PALS2: variants seen among roughly 807,000 people sequenced by gnomAD.
PALS2 encodes the protein protein associated with LIN7 2, MAGUK p55 family member.
A neutral mutation model predicts 61.6 loss-of-function variants in PALS2; 27 were observed. The ratio of observed to expected loss-of-function variants is 0.44; its 90% confidence interval spans 0.32 to 0.60. The LOEUF (loss-of-function observed/expected upper bound fraction) is 0.60, where lower values mean the gene tolerates loss of function less well. Ranked by LOEUF, PALS2 falls within the 20% of genes least tolerant of loss-of-function variation. The pLI is 0.05. For synonymous variants in PALS2, 236 were observed against 218.6 expected (o/e 1.08, Z -0.70); for missense variants, 554 against 639.4 (o/e 0.87, Z 1.44).
rs1440144909 is a variant in PALS2 at position 24,607,834 on chromosome 7, GC to G, written c.-2-15831del. Among the ~76,000 whole-genome samples, 3 of 151,826 alleles carry G rather than the reference GC, an allele frequency of 2.0e-5. No homozygotes were observed. The East Asian group carries it at 5.8e-4, about 29-fold the overall frequency. ...GTACTAGGTATCTCTAAAAGAATGA[GC>G]TTCAATATGGAAAAATCACTAAGAT... On this transcript the variant is annotated intron_variant, in intron 1 of 11. Transcript: ENST00000222644.
At chr7:24,574,171 C>T (rs1318385045) in intron 1 of PALS2, 2 of 152,428 alleles carry the variant, frequency 1.3e-5, no homozygotes, top group East Asian at 1.9e-4. Context: ...CAACTACCGC[C>T]GCTACTTCCG....
intron 1 of PALS2, among the ~76,000 whole-genome samples, chr7:24,621,482 G>A (rs1238175218): frequency 6.6e-6 from 1 of 152,056 alleles, no homozygotes; most frequent in African/African-American, 2.4e-5. Context: ...AAAATTGAGA[G>A]TCTGAAGATA....
At chr7:24,679,032 G>T (rs551867204) in intron 9 of PALS2, 99 bp from the exon 10 acceptor site, 505 of 987,164 alleles carry the variant, frequency 5.1e-4, no homozygotes, top group Non-Finnish European at 7.4e-4. Flanking sequence ...ACAGTTTGCT[G>T]CACCCAGTGG....
intron 5 of PALS2, among the ~76,000 whole-genome samples, chr7:24,660,665 T>C (rs1786670437): frequency 6.6e-6 from 1 of 152,230 alleles, no homozygotes; most frequent in Non-Finnish European, 1.5e-5. Context: ...TCTTTTGTTA[T>C]TAGGAATGAT....
At chr7:24,623,112 G>T (rs1473892368) in intron 1 of PALS2, among the ~76,000 whole-genome samples, 3 of 151,022 alleles carry the variant, frequency 2.0e-5, no homozygotes, top group Non-Finnish European at 4.4e-5. Flanking sequence ...AGAGATTGGT[G>T]GTAATTTTTT....
intron 11 of PALS2, among the ~76,000 whole-genome samples, chr7:24,684,333 C>T (rs142332450): frequency 7.9e-5 from 12 of 152,314 alleles, no homozygotes; most frequent in African/African-American, 2.6e-4. Context: ...GTTTTAAAGT[C>T]ACTTGAAGTA....
intron 1 of PALS2, among the ~76,000 whole-genome samples, chr7:24,605,884 T>C (rs1783881916): frequency 6.6e-6 from 1 of 152,146 alleles, no homozygotes; most frequent in Non-Finnish European, 1.5e-5. Context: ...TTCACAGAGA[T>C]TAAAGAAAAC....
At position 24,596,320 on chromosome 7, in the gene PALS2, T is replaced by G. The variant is rs1418446448; in HGVS notation, c.-3+22727T>G. Among the ~76,000 whole-genome samples, 1 of 152,122 alleles carries G rather than the reference T, an allele frequency of 6.6e-6. No homozygotes were observed. The highest frequency in any genetic ancestry group is 1.5e-5 in the Non-Finnish European group (1 of 68,024). On this transcript the variant is annotated intron_variant, in intron 1 of 11. Coordinates refer to ENST00000222644, the MANE Select transcript of PALS2 (RefSeq NM_001303037.2). The surrounding 1 kb of genome is among the most constrained non-coding windows in gnomAD (Gnocchi z 4.5). ...ATGGCTTTTCTTCAGTCACCTCCAT[T>G]GTGACCGAATTGAAGAACCAGTTTA...
At chr7:24,604,782 A>G (rs1049843732) in intron 1 of PALS2, among the ~76,000 whole-genome samples, 5 of 152,188 alleles carry the variant, frequency 3.3e-5, no homozygotes, top group Non-Finnish European at 7.3e-5. Context: ...TCACCTCCCC[A>G]AAGACTCCAC....
At chr7:24,654,310 A>G (rs1201845684) in intron 5 of PALS2, among the ~76,000 whole-genome samples, 1 of 152,096 alleles carries the variant, frequency 6.6e-6, no homozygotes, top group East Asian at 1.9e-4. Context: ...AAAATAAATT[A>G]TACAAGCAAA....
intron 1 of PALS2, among the ~76,000 whole-genome samples, chr7:24,583,864 A>G (rs1782948830): frequency 6.6e-6 from 1 of 150,530 alleles, no homozygotes; most frequent in South Asian, 2.1e-4. Context: ...TCCTGTGTCC[A>G]TGTGATCTCA....
chr7:24,640,225 CAT>C (rs1785453823), intron 2 of PALS2, among the ~76,000 whole-genome samples: 1 of 151,684 alleles, frequency 6.6e-6, no homozygotes. Context: ...CTCGGTATTT[CAT>C]ATGACTTTTA....
intron 1 of PALS2, among the ~76,000 whole-genome samples, chr7:24,604,927 C>T (rs1419332783): frequency 6.6e-6 from 1 of 152,204 alleles, no homozygotes; most frequent in Non-Finnish European, 1.5e-5. Context: ...TACATGGGGA[C>T]AGCCCCAGGC....
rs1175095351 is a variant in PALS2, at chr7:24,690,746, T to A, written c.*3132T>A. 1 of 152,164 alleles carries A rather than the reference T, an allele frequency of 6.6e-6. No individual in the cohort carries two copies. The highest frequency in any genetic ancestry group is 2.4e-5 in the African/African-American group (1 of 41,434). 9.4% of individuals were successfully genotyped at this position (152,164 alleles called of 1,614,324 possible). A position where few individuals can be genotyped will look rare whatever the true frequency, so the allele number is the denominator to read the frequency against. On this transcript the variant is annotated 3_prime_UTR_variant, in exon 12 of 12. Coordinates refer to ENST00000222644, the MANE Select transcript of PALS2 (RefSeq NM_001303037.2). ...TTGGTAATATCACATGTCAAATACA[T>A]CAGGACTTTGTTTATTTTGGCTAAC...
At chr7:24,640,324 A>G (rs950128492) in intron 2 of PALS2, among the ~76,000 whole-genome samples, 4 of 151,952 alleles carry the variant, frequency 2.6e-5, no homozygotes, top group Non-Finnish European at 4.4e-5. Context: ...ACTCCTGTGA[A>G]TTACCTAGAA....
chr7:24,574,629 T>A (rs1782579962), intron 1 of PALS2, among the ~76,000 whole-genome samples: 1 of 152,082 alleles, frequency 6.6e-6, no homozygotes, highest in South Asian at 2.1e-4. Context: ...GCTAGCCACG[T>A]TTTATTCTTT....
chr7:24,640,405 C>T (rs1484803834), intron 2 of PALS2, among the ~76,000 whole-genome samples: 1 of 152,088 alleles, frequency 6.6e-6, no homozygotes, highest in African/African-American at 2.4e-5. Context: ...GAAGGATCCA[C>T]TCTATGGTAA....
chr7:24,691,501 T>G lies in PALS2; in HGVS notation c.*3887T>G, dbSNP rs1584028483. On this transcript the variant is annotated 3_prime_UTR_variant, in exon 12 of 12. Transcript: ENST00000222644. Reference sequence around the variant, plus strand: ...CAAAATGTATGAATATAAAACTGAATGTATTCATTCATGTAATTATAACTA... The same window carrying G: ...CAAAATGTATGAATATAAAACTGAAGGTATTCATTCATGTAATTATAACTA... 4 of 149,034 alleles carry G rather than the reference T, an allele frequency of 2.7e-5. No homozygotes were observed. Among genetic ancestry groups the G allele is most frequent in the Admixed American group, 2.7e-4 (4 of 14,962 alleles). 9.2% of individuals were successfully genotyped at this position (149,034 alleles called of 1,614,324 possible).
chr7:24,645,150 T>A (rs993976579), intron 3 of PALS2, among the ~76,000 whole-genome samples: 1 of 152,214 alleles, frequency 6.6e-6, no homozygotes, highest in Non-Finnish European at 1.5e-5. Flanking sequence ...ATCTCATTTG[T>A]CAATATTGGC....
Sources: gnomAD v4.1 joint callset for allele counts (sites outside exome capture counted in the v4.1 genomes callset) on GRCh38, gnomAD v4.1.1 for gene constraint, Gnocchi (gnomAD v3.1) non-coding constraint, MANE v1.5 for transcripts, NCBI Gene and HGNC (gene_info 2026-07-23, HGNC 2026-07-21) for gene names.